STARD9: variants seen among roughly 807,000 people sequenced by gnomAD.
The protein encoded by STARD9 is StAR related lipid transfer domain containing 9.
A neutral mutation model predicts 399.8 loss-of-function variants in STARD9; 346 were observed. That is an observed-to-expected ratio of 0.87 (90% CI 0.79 to 0.95). The LOEUF (loss-of-function observed/expected upper bound fraction) is 0.95. Ranked by LOEUF, STARD9 falls within the 40% of genes least tolerant of loss-of-function variation. STARD9 has a pLI of 0.00. For synonymous variants in STARD9, 2,203 were observed against 2,143.5 expected (o/e 1.03, Z -0.77); for missense variants, 5,832 against 5,667.5 (o/e 1.03, Z -0.93).
chr15:42,678,847 T>G (rs935823364), intron 20 of STARD9, among the ~76,000 whole-genome samples: 17 of 152,256 alleles, frequency 1.1e-4, no homozygotes, highest in Admixed American at 9.8e-4. Flanking sequence ...GTTGCTATTT[T>G]CTTTTTCACC....
chr15:42,701,992 CAAAAAAA>C (rs57444195), intron 26 of STARD9, among the ~76,000 whole-genome samples: 1 of 44,980 alleles, frequency 2.2e-5, no homozygotes, highest in African/African-American at 6.0e-5. Flanking sequence ...GACTCTGACT[CAAAAAAA>C]AAAAAAAAAA....
intron 3 of STARD9, among the ~76,000 whole-genome samples, chr15:42,618,145 A>G (rs2059011521): frequency 6.6e-6 from 1 of 150,828 alleles, no homozygotes; most frequent in Non-Finnish European, 1.5e-5. Flanking sequence ...TTTACTATTT[A>G]TTTATGATTT....
intron 4 of STARD9, among the ~76,000 whole-genome samples, chr15:42,636,241 A>T (rs2059416228): frequency 6.6e-6 from 1 of 152,080 alleles, no homozygotes; most frequent in East Asian, 1.9e-4. Flanking sequence ...GGCTGCAGTG[A>T]TTAGCCATGA....
At chr15:42,658,610 G>T (rs2059927217) in intron 9 of STARD9, among the ~76,000 whole-genome samples, 1 of 151,662 alleles carries the variant, frequency 6.6e-6, no homozygotes, top group South Asian at 2.1e-4. Context: ...AGCCACCTAA[G>T]TAGCTGGGAT....
intron 3 of STARD9, among the ~76,000 whole-genome samples, chr15:42,587,359 A>C (rs1333874363): frequency 6.6e-6 from 1 of 152,298 alleles, no homozygotes; most frequent in East Asian, 1.9e-4. Flanking sequence ...ATAAGACCGT[A>C]GACCACTGTG....
At chr15:42,604,408 A>G (rs2058689599) in intron 3 of STARD9, among the ~76,000 whole-genome samples, 1 of 152,178 alleles carries the variant, frequency 6.6e-6, no homozygotes, top group Admixed American at 6.6e-5. Flanking sequence ...TGTGCTAGGC[A>G]CTGGAAATAA....
chr15:42,677,869 C>T (rs1376722649), intron 20 of STARD9, among the ~76,000 whole-genome samples: 2 of 152,220 alleles, frequency 1.3e-5, no homozygotes, highest in Non-Finnish European at 2.9e-5. Flanking sequence ...CCTCCTGTCT[C>T]AACCCAGCTG....
In STARD9 at chr15:42,690,851, G is replaced by GAAGC; in HGVS notation, c.9283_9286dup (p.Thr3096LysfsTer5). ...GGGTTCCTGAGAAAAAGGTTGCTGA[G>GAAGC]AAGCAAGCAAGCACAGAACTTGAGG... On this transcript the variant is annotated frameshift_variant, in exon 23 of 33. Transcript: ENST00000290607. LOFTEE classifies it high-confidence loss of function. 2 of 1,537,182 alleles carry GAAGC rather than the reference G, an allele frequency of 1.3e-6. No homozygotes were observed. Among genetic ancestry groups the GAAGC allele is most frequent in the Non-Finnish European group, 1.7e-6 (2 of 1,146,902 alleles).
chr15:42,644,896 G>T (rs1455331048), intron 7 of STARD9, among the ~76,000 whole-genome samples: 2 of 152,046 alleles, frequency 1.3e-5, no homozygotes, highest in African/African-American at 2.4e-5. Context: ...CCAGGAGTAG[G>T]TTCCATCTCA....
rs535076933 is a variant in STARD9, at chr15:42,663,659, G to C, written c.1079-161G>C. On this transcript the variant is annotated intron_variant, in intron 12 of 32. Coordinates refer to ENST00000290607, the MANE Select transcript of STARD9 (RefSeq NM_020759.3). ...TGAGTGGGATGCCAGAGCTGGATCT[G>C]TGTTGGGACTGGTACTCTATCTCAG... The C allele has an allele frequency of 2.4e-4, 152 of 623,506 alleles. 2 individuals carry two copies. The highest frequency in any genetic ancestry group is 1.7e-3 in the South Asian group (86 of 52,088). 38.6% of individuals were successfully genotyped at this position (623,506 alleles called of 1,614,324 possible). A position where few individuals can be genotyped will look rare whatever the true frequency, so the allele number is the denominator to read the frequency against.
intron 1 of STARD9, among the ~76,000 whole-genome samples, chr15:42,578,106 ATT>A (rs57016102): frequency 0.031 from 4,119 of 134,132 alleles, 155 homozygotes; most frequent in African/African-American, 0.087. Flanking sequence ...TTGACGCTCA[ATT>A]TTTTTTTTTT....
In STARD9 at chr15:42,713,877, A is replaced by G. The variant is rs540408461; in HGVS notation, c.13285-2800A>G. Among the ~76,000 whole-genome samples, 11 of 152,190 alleles carry G rather than the reference A, an allele frequency of 7.2e-5. No individual in the cohort carries two copies. The East Asian group carries it at 1.9e-3, about 27-fold the overall frequency. ...GATGTCTTTGCCCAGTTTTTGTGTC[A>G]GGGTAATTCTGGCCCTATAGAATGA... On this transcript the variant is annotated intron_variant, in intron 26 of 32. Transcript: ENST00000290607.
chr15:42,617,114 T>G (rs2058979930), intron 3 of STARD9, among the ~76,000 whole-genome samples: 1 of 152,172 alleles, frequency 6.6e-6, no homozygotes, highest in Admixed American at 6.5e-5. Flanking sequence ...ATCCTAACAA[T>G]TCACCTTACA....
Position 42,693,855 on chromosome 15 carries a change from T to G in STARD9, c.12277T>G (p.Leu4093Val), listed in dbSNP as rs559128522. The G allele has an allele frequency of 6.5e-7, 1 of 1,536,618 alleles. No homozygotes were observed. Among genetic ancestry groups the G allele is most frequent in the Non-Finnish European group, 8.7e-7 (1 of 1,146,742 alleles). The change falls in exon 23 of 33, where the codon TTG becomes GTG. Residue 4093 changes from leucine (L) to valine (V), a missense_variant. Transcript: ENST00000290607. The part of the protein sequence containing the change: ...QHLSPCPVSE[L>V]TDTAGLRGSA... ...CCTCAGCCCCTGCCCTGTCTCTGAGTTGACTGATACTGCAGGGCTCCGAGG... is the reference window on the plus strand; with the variant it reads ...CCTCAGCCCCTGCCCTGTCTCTGAGGTGACTGATACTGCAGGGCTCCGAGG...
At chr15:42,678,589 C>T (rs940009924) in intron 20 of STARD9, among the ~76,000 whole-genome samples, 2 of 152,156 alleles carry the variant, frequency 1.3e-5, no homozygotes, top group Non-Finnish European at 1.5e-5. Flanking sequence ...GCTGCCACTG[C>T]GGCTTTAGTA....
chr15:42,617,429 G>A (rs2058989592), intron 3 of STARD9, among the ~76,000 whole-genome samples: 1 of 151,204 alleles, frequency 6.6e-6, no homozygotes, highest in African/African-American at 2.4e-5. Flanking sequence ...GTGGCACGAT[G>A]TTGGCTCACT....
At chr15:42,602,431 A>G (rs967997559) in intron 3 of STARD9, among the ~76,000 whole-genome samples, 2 of 152,230 alleles carry the variant, frequency 1.3e-5, no homozygotes, top group African/African-American at 4.8e-5. Context: ...ATGCCCAGTA[A>G]AGCAAAGAAA....
intron 3 of STARD9, among the ~76,000 whole-genome samples, chr15:42,617,018 C>A (rs2058977466): frequency 6.6e-6 from 1 of 151,812 alleles, no homozygotes; most frequent in Admixed American, 6.6e-5. Context: ...AAAAATAATT[C>A]CTGAGTTAAG....
At chr15:42,717,129 A>C in intron 28 of STARD9, 81 bp downstream of exon 28, 1 of 1,484,036 alleles carries the variant, frequency 6.7e-7, no homozygotes, top group Non-Finnish European at 9.0e-7. Flanking sequence ...AGTAGGAAAA[A>C]AGCTGGGCAG....
Sources: gnomAD v4.1 joint callset for allele counts (sites outside exome capture counted in the v4.1 genomes callset) on GRCh38, gnomAD v4.1.1 for gene constraint, MANE v1.5 for transcripts, NCBI Gene and HGNC (gene_info 2026-07-23, HGNC 2026-07-21) for gene names.